RANBP2: variants seen among roughly 807,000 people sequenced by gnomAD.
RANBP2 encodes E3 SUMO-protein ligase RanBP2.
RANBP2 carries 57 observed loss-of-function variants against 303.6 expected under a neutral mutation model. The observed-to-expected ratio is 0.19, with a 90% CI of 0.15 to 0.23. The LOEUF (loss-of-function observed/expected upper bound fraction) is 0.23, where lower values mean the gene tolerates loss of function less well. Ranked by LOEUF, RANBP2 falls within the 10% of genes least tolerant of loss-of-function variation. RANBP2 has a pLI of 1.00. For missense variants in RANBP2, 3,138 were observed against 3,780.8 expected (o/e 0.83, Z 4.46); for synonymous variants, 1,167 against 1,301.5 (o/e 0.90, Z 2.23).
chr2:109,187,793 G>C, the RANBP2 span, among the ~76,000 whole-genome samples: 1 of 152,186 alleles, frequency 6.6e-6, no homozygotes, highest in Non-Finnish European at 1.5e-5. Context: ...GCTTGCTTCC[G>C]ACTTCCCTCT....
At chr2:108,866,060 A>G in the RANBP2 span, among the ~76,000 whole-genome samples, 12 of 152,250 alleles carry the variant, frequency 7.9e-5, no homozygotes, top group Non-Finnish European at 1.6e-4. Context: ...GGGTATCTGA[A>G]TTGACTTACT....
At chr2:108,997,677 G>T in the RANBP2 span, among the ~76,000 whole-genome samples, 2 of 151,966 alleles carry the variant, frequency 1.3e-5, no homozygotes, top group Non-Finnish European at 2.9e-5. Flanking sequence ...GGATAACGAG[G>T]TCAGGAGTTC....
the RANBP2 span, chr2:109,490,910 C>T: frequency 1.2e-5 from 18 of 1,511,574 alleles, no homozygotes; most frequent in Non-Finnish European, 1.5e-5. Context: ...CCATCCGCCC[C>T]GAGCCCAAGC....
At chr2:108,795,437 G>A in the RANBP2 span, among the ~76,000 whole-genome samples, 5 of 152,126 alleles carry the variant, frequency 3.3e-5, no homozygotes, top group African/African-American at 9.7e-5. Context: ...GATTACAGGC[G>A]TGAGCCACAG....
the RANBP2 span, among the ~76,000 whole-genome samples, chr2:109,182,471 A>G: frequency 2.6e-5 from 4 of 152,202 alleles, no homozygotes; most frequent in Admixed American, 1.3e-4. Flanking sequence ...CACTCAAACT[A>G]TAGTGTCCCA....
chr2:109,285,918 T>A, the RANBP2 span, among the ~76,000 whole-genome samples: 3 of 152,342 alleles, frequency 2.0e-5, no homozygotes, highest in African/African-American at 7.2e-5. Context: ...CAGATTTTTG[T>A]CCACTCACCC....
downstream of RANBP2, chr2:108,786,711 G>C (rs1246886012): frequency 9.8e-7 from 1 of 1,022,014 alleles, no homozygotes; most frequent in Non-Finnish European, 1.5e-6. Context: ...CCCTGCCGCC[G>C]TGCGTGCCTC....
chr2:109,354,299 A>G, the RANBP2 span, among the ~76,000 whole-genome samples: 1 of 152,192 alleles, frequency 6.6e-6, no homozygotes, highest in Non-Finnish European at 1.5e-5. Context: ...CTGCAGGCCC[A>G]GAGGCTGAAG....
the RANBP2 span, among the ~76,000 whole-genome samples, chr2:108,849,813 A>G: frequency 7.1e-4 from 108 of 152,310 alleles, no homozygotes; most frequent in African/African-American, 2.5e-3. Flanking sequence ...GTGTTCATCT[A>G]CTACCTGGGG....
chr2:109,409,809 T>G, the RANBP2 span, among the ~76,000 whole-genome samples: 1 of 152,214 alleles, frequency 6.6e-6, no homozygotes, highest in South Asian at 2.1e-4. Flanking sequence ...GAGTTTTCTT[T>G]GGGAAGCAAG....
chr2:108,908,630 C>T, the RANBP2 span, among the ~76,000 whole-genome samples: 9 of 152,296 alleles, frequency 5.9e-5, no homozygotes, highest in East Asian at 1.9e-4. Flanking sequence ...AGGTTCATGC[C>T]GCCCTGTGGC....
the RANBP2 span, among the ~76,000 whole-genome samples, chr2:109,174,839 A>G: frequency 3.9e-5 from 6 of 152,224 alleles, no homozygotes; most frequent in Non-Finnish European, 8.8e-5. Flanking sequence ...GGGATAGGAT[A>G]GCAGGAGCAC....
the RANBP2 span, among the ~76,000 whole-genome samples, chr2:109,695,029 C>G: frequency 6.6e-6 from 1 of 152,066 alleles, no homozygotes; most frequent in Non-Finnish European, 1.5e-5. Flanking sequence ...CTGATTTGTT[C>G]TCAGGATCTC....
chr2:108,873,724 A>T, the RANBP2 span: 1 of 569,944 alleles, frequency 1.8e-6, no homozygotes, highest in Non-Finnish European at 3.0e-6. Flanking sequence ...CACATAAAAT[A>T]CGCTAACACT....
At chr2:108,894,892 A>ATT in the RANBP2 span, 3 of 152,196 alleles carry the variant, frequency 2.0e-5, no homozygotes, top group African/African-American at 7.2e-5. Flanking sequence ...AGGCCAAAGC[A>ATT]CCAGGAGCAG....
the RANBP2 span, among the ~76,000 whole-genome samples, chr2:109,418,882 C>G: frequency 1.3e-5 from 2 of 152,154 alleles, no homozygotes; most frequent in Non-Finnish European, 2.9e-5. Flanking sequence ...TAAGGATTCT[C>G]TATGTAGGAA....
chr2:109,531,580 T>C, the RANBP2 span, among the ~76,000 whole-genome samples: 58 of 152,314 alleles, frequency 3.8e-4, no homozygotes, highest in Non-Finnish European at 7.2e-4. Flanking sequence ...GGCTGCTCAT[T>C]GGAATCATGA....
the RANBP2 span, among the ~76,000 whole-genome samples, chr2:109,214,184 C>A: frequency 1.3e-5 from 2 of 152,232 alleles, no homozygotes; most frequent in African/African-American, 2.4e-5. Context: ...GAGGCTAAGA[C>A]GCAGACTGGA....
Position 108,766,235 on chromosome 2 carries a change from A to G in RANBP2, c.5696A>G (p.Lys1899Arg), listed in dbSNP as rs1227435661. ...ATCCCTGTGTCTGCTGATGGATTTA[A>G]ATTTGGCATTTCGGAACCAGGAAAT... is the stretch of plus-strand genomic sequence containing the variant. ...FSIPVSADGF[K>R]FGISEPGNQE... The change falls in exon 20 of 29, where the codon AAA becomes AGA. Residue 1899 changes from lysine (K) to arginine (R), a missense_variant. Around this residue, in one of 20 missense-constraint regions of RANBP2, gnomAD observed 348 missense variants for 360.4 expected, o/e 0.97. Transcript: ENST00000283195. The G allele has an allele frequency of 1.2e-6, 2 of 1,612,236 alleles. No homozygotes were observed. The highest frequency in any genetic ancestry group is 1.7e-6 in the Non-Finnish European group (2 of 1,180,016).
Sources: allele counts gnomAD v4.1 joint callset (sites outside exome capture counted in the v4.1 genomes callset), GRCh38; gene constraint gnomAD v4.1.1; regional missense constraint gnomAD v4.1.1; transcripts MANE v1.5; gene names NCBI Gene and HGNC (gene_info 2026-07-23, HGNC 2026-07-21).